FHIP1A: variants seen among roughly 807,000 people sequenced by gnomAD.
The protein encoded by FHIP1A is FHF complex subunit HOOK interacting protein 1A, also known as FHF complex subunit HOOK-interacting protein 1A.
Under a neutral mutation model 88.6 loss-of-function variants are expected in FHIP1A, and 61 were observed. The ratio of observed to expected loss-of-function variants is 0.69; its 90% CI spans 0.56 to 0.85. The LOEUF (loss-of-function observed/expected upper bound fraction) is 0.85, where lower values mean the gene tolerates loss of function less well. Ranked by LOEUF, FHIP1A falls within the 40% of genes least tolerant of loss-of-function variation. The pLI, the probability that FHIP1A is intolerant of heterozygous loss-of-function variation, is 0.00. For synonymous variants in FHIP1A, 478 were observed against 496.0 expected (o/e 0.96, Z 0.48); for missense variants, 1,154 against 1,273.5 (o/e 0.91, Z 1.43).
At chr4:151,484,562 A>G (rs770768380) in intron 3 of FHIP1A, among the ~76,000 whole-genome samples, 9 of 152,204 alleles carry the variant, frequency 5.9e-5, no homozygotes, top group Non-Finnish European at 1.3e-4. Context: ...TTCCGAGGAA[A>G]TGATGGTGGA....
intron 1 of FHIP1A, among the ~76,000 whole-genome samples, chr4:151,420,904 A>G (rs773776200): frequency 6.6e-5 from 10 of 152,272 alleles, no homozygotes; most frequent in Admixed American, 2.0e-4. Flanking sequence ...AGCTCTCTCA[A>G]TGCAGTGCTC....
At chr4:151,636,164 T>C (rs928183073) in intron 8 of FHIP1A, among the ~76,000 whole-genome samples, 3 of 151,918 alleles carry the variant, frequency 2.0e-5, no homozygotes, top group Non-Finnish European at 2.9e-5. Context: ...GTAAAGCTGG[T>C]TTAAAGTCTG....
intron 3 of FHIP1A, among the ~76,000 whole-genome samples, chr4:151,492,344 C>T (rs749960956): frequency 6.6e-6 from 1 of 152,034 alleles, no homozygotes; most frequent in Non-Finnish European, 1.5e-5. Context: ...GTAATCCCAG[C>T]ACTTTGGGAG....
At chr4:151,540,948 G>A (rs765592547) in intron 3 of FHIP1A, among the ~76,000 whole-genome samples, 1 of 152,146 alleles carries the variant, frequency 6.6e-6, no homozygotes, top group African/African-American at 2.4e-5. Context: ...TCTTGACTTT[G>A]GCTCCAGTCC....
rs546892398 is a variant in FHIP1A, at chr4:151,475,610, T to C, written c.-247-6914T>C. ...TCAGAGGGGCAGTGAGGAGAGGCCA[T>C]TGTGGCTGAAGTGGCTGAAGTAGAG... is the stretch of plus-strand genomic sequence containing the variant. On this transcript the variant is annotated intron_variant, in intron 2 of 13. Transcript: ENST00000435205. Among the ~76,000 whole-genome samples, 9 of 152,122 alleles carry C rather than the reference T, an allele frequency of 5.9e-5. No homozygotes were observed. The East Asian group carries it at 1.4e-3, about 23-fold the overall frequency.
At chr4:151,476,875 GA>G (rs2126627774) in intron 2 of FHIP1A, among the ~76,000 whole-genome samples, 1 of 130,804 alleles carries the variant, frequency 7.6e-6, no homozygotes, top group Admixed American at 7.6e-5. Flanking sequence ...ATATATTGGG[GA>G]AAAAGGCCAT....
intron 4 of FHIP1A, among the ~76,000 whole-genome samples, chr4:151,577,126 C>G (rs1053069981): frequency 6.6e-6 from 1 of 152,122 alleles, no homozygotes; most frequent in African/African-American, 2.4e-5. Flanking sequence ...TACAGTTTCT[C>G]ATTTTCCTCA....
At chr4:151,574,452 A>G (rs1240756301) in intron 4 of FHIP1A, among the ~76,000 whole-genome samples, 1 of 152,200 alleles carries the variant, frequency 6.6e-6, no homozygotes, top group Non-Finnish European at 1.5e-5. Flanking sequence ...AATGAGAAAA[A>G]TACAATTTAT....
intron 3 of FHIP1A, among the ~76,000 whole-genome samples, chr4:151,541,406 C>T (rs561630529): frequency 3.1e-4 from 47 of 152,266 alleles, no homozygotes; most frequent in African/African-American, 1.0e-3. Flanking sequence ...TACATTTTTA[C>T]AGTCCTTTAT....
At chr4:151,439,076 A>G (rs145808939) in intron 1 of FHIP1A, among the ~76,000 whole-genome samples, 14 of 152,306 alleles carry the variant, frequency 9.2e-5, no homozygotes, top group East Asian at 1.9e-4. Flanking sequence ...ATTTTAAAGC[A>G]TGTTTTCTTC....
chr4:151,505,182 A>T (rs1351233617), intron 3 of FHIP1A, among the ~76,000 whole-genome samples: 1 of 152,132 alleles, frequency 6.6e-6, no homozygotes, highest in Non-Finnish European at 1.5e-5. Flanking sequence ...GAGGGTTCTT[A>T]CTTGTCTAAT....
intron 2 of FHIP1A, among the ~76,000 whole-genome samples, chr4:151,458,739 T>C (rs1390301320): frequency 1.3e-5 from 2 of 152,168 alleles, no homozygotes; most frequent in Non-Finnish European, 2.9e-5. Flanking sequence ...TGCAGTACAC[T>C]TTAAAACTGA....
chr4:151,503,542 T>A lies in FHIP1A; in HGVS notation c.-123+20894T>A, dbSNP rs77989039. On this transcript the variant is annotated intron_variant, in intron 3 of 13. Coordinates refer to ENST00000435205, the MANE Select transcript of FHIP1A (RefSeq NM_001109977.3). ...TGTCTGGTGAAGGGAAGATAGAGGT[T>A]CTAATTGCATTTCTAAAGAGCCAAG... 5.9e-5 allele frequency among the ~76,000 whole-genome samples: 9 copies of A among 152,108 alleles called. No homozygotes were observed. In the East Asian group the frequency reaches 1.7e-3, roughly 29 times the overall value.
chr4:151,607,186 G>A (rs1345553745), intron 7 of FHIP1A, among the ~76,000 whole-genome samples: 1 of 152,166 alleles, frequency 6.6e-6, no homozygotes, highest in Non-Finnish European at 1.5e-5. Flanking sequence ...TGGAGCCCAA[G>A]CAATCATTCT....
intron 2 of FHIP1A, among the ~76,000 whole-genome samples, chr4:151,479,700 G>A (rs1729828949): frequency 6.6e-6 from 1 of 151,980 alleles, no homozygotes; most frequent in Non-Finnish European, 1.5e-5. Context: ...TTGTTTCTCT[G>A]GTGTATGGAG....
chr4:151,531,443 T>G (rs1199749228), intron 3 of FHIP1A, among the ~76,000 whole-genome samples: 1 of 152,010 alleles, frequency 6.6e-6, no homozygotes, highest in Non-Finnish European at 1.5e-5. Context: ...AACACTACTG[T>G]GCGTATTTTT....
intron 2 of FHIP1A, among the ~76,000 whole-genome samples, chr4:151,467,736 A>C (rs1729372151): frequency 6.6e-6 from 1 of 152,232 alleles, no homozygotes; most frequent in East Asian, 1.9e-4. Flanking sequence ...GGAACAGAAA[A>C]TCAAACACCA....
At chr4:151,498,782 C>T (rs1403651798) in intron 3 of FHIP1A, among the ~76,000 whole-genome samples, 1 of 152,164 alleles carries the variant, frequency 6.6e-6, no homozygotes, top group Admixed American at 6.5e-5. Context: ...CGCCACTGCC[C>T]TCCAGCCTGG....
intron 7 of FHIP1A, among the ~76,000 whole-genome samples, chr4:151,626,829 A>G (rs1735971122): frequency 6.6e-6 from 1 of 152,216 alleles, no homozygotes; most frequent in African/African-American, 2.4e-5. Flanking sequence ...CAGTCTTGCT[A>G]ACACTTCTTT....
Sources: gnomAD v4.1 joint callset for allele counts (sites outside exome capture counted in the v4.1 genomes callset) on GRCh38, gnomAD v4.1.1 for gene constraint, MANE v1.5 for transcripts, NCBI Gene and HGNC (gene_info 2026-07-23, HGNC 2026-07-21) for gene names.